The following HERC2 variants were observed in gnomAD, a reference collection of about 807,000 sequenced individuals.
HERC2 encodes E3 ubiquitin-protein ligase HERC2.
A neutral mutation model predicts 537.7 loss-of-function variants in HERC2; 102 were observed. That is an observed-to-expected ratio of 0.19 (90% CI 0.16 to 0.22). The LOEUF (loss-of-function observed/expected upper bound fraction) is 0.22, where lower values mean the gene tolerates loss of function less well. Ranked by LOEUF, HERC2 falls within the 10% of genes least tolerant of loss-of-function variation. The pLI, the probability that HERC2 is intolerant of heterozygous loss-of-function variation, is 1.00. For synonymous variants in HERC2, 2,224 were observed against 2,466.2 expected (o/e 0.90, Z 2.91); for missense variants, 4,236 against 6,198.2 (o/e 0.68, Z 10.63).
chr15:28,154,761 TTATA>T (rs1273286942), intron 69 of HERC2, among the ~76,000 whole-genome samples: 2 of 152,202 alleles, frequency 1.3e-5, no homozygotes, highest in South Asian at 2.1e-4. Flanking sequence ...CAGCATTATT[TTATA>T]TATATATTTT....
At chr15:28,140,405 G>C (rs528374043) in intron 78 of HERC2, among the ~76,000 whole-genome samples, 1 of 152,082 alleles carries the variant, frequency 6.6e-6, no homozygotes, top group African/African-American at 2.4e-5. Context: ...TAGAGACTAC[G>C]GCACTCTATA....
chr15:28,251,285 A>G (rs572889265), intron 20 of HERC2, among the ~76,000 whole-genome samples: 2 of 151,766 alleles, frequency 1.3e-5, no homozygotes, highest in South Asian at 4.2e-4. Flanking sequence ...TCTACTAAAA[A>G]TACAAAAATT....
intron 17 of HERC2, 123 bp downstream of exon 17, chr15:28,256,938 C>G (rs2075281562): frequency 9.3e-6 from 8 of 859,922 alleles, no homozygotes; most frequent in East Asian, 5.1e-5. Context: ...TAGTGCATTA[C>G]AATCTTACTT....
chr15:28,264,388 G>C (rs891856564), intron 14 of HERC2, among the ~76,000 whole-genome samples: 5 of 152,158 alleles, frequency 3.3e-5, no homozygotes, highest in Admixed American at 6.5e-5. Flanking sequence ...CAATGAAAGC[G>C]GCACAGCAGA....
In HERC2 at chr15:28,176,342, C is replaced by T. The variant is rs554856006; in HGVS notation, c.9686+86G>A. ...GTAAAAAGAGGACACGTCACAATCA[C>T]GCCGGGTGAGCCTGGGGCGAGGCCC... is the stretch of plus-strand genomic sequence containing the variant. On this transcript the variant is annotated intron_variant, in intron 63 of 92. Transcript: ENST00000261609. The surrounding 1 kb of genome is among the most constrained non-coding windows in gnomAD (Gnocchi z 5.0). The T allele has an allele frequency of 1.3e-3, 1,708 of 1,268,634 alleles. 27 individuals are homozygous for T. The South Asian group carries it at 0.016, about 12-fold the overall frequency. The allele number at this position is 1,268,634 out of a possible 1,614,324, so 78.6% of individuals were successfully genotyped here. A position where few individuals can be genotyped will look rare whatever the true frequency, so the allele number is the denominator to read the frequency against.
chr15:28,116,603 A>G, intron 88 of HERC2, 62 bp downstream of exon 88: 2 of 1,436,522 alleles, frequency 1.4e-6, no homozygotes, highest in Non-Finnish European at 1.9e-6. Flanking sequence ...CAGATAGTAC[A>G]TTTTAACTCA....
Position 28,135,669 on chromosome 15 carries a change from T to C in HERC2, c.12039A>G (p.Ala4013=), listed in dbSNP as rs1890562779. 1 of 1,613,576 alleles carries C rather than the reference T, an allele frequency of 6.2e-7. No homozygotes were observed. The highest frequency in any genetic ancestry group is 8.5e-7 in the Non-Finnish European group (1 of 1,179,690). Residue 4013 remains alanine (A), a synonymous_variant, in exon 79 of 93, where the codon GCA becomes GCG. Transcript: ENST00000261609. ...DGKLYATGYG[A]GGRLGIGGTE... is the part of the protein sequence containing the mutation. Reference sequence around the variant, plus strand: ...TCCCTCCAATGCCTAGTCTGCCACCTGCACCATACCCAGTGGCATACAGCT... The same window carrying C: ...TCCCTCCAATGCCTAGTCTGCCACCCGCACCATACCCAGTGGCATACAGCT...
chr15:28,283,032 CAAAAAAAA>C (rs35092122), intron 4 of HERC2, among the ~76,000 whole-genome samples: 10 of 47,432 alleles, frequency 2.1e-4, no homozygotes, highest in Admixed American at 1.4e-3. Flanking sequence ...AATGTCCCAG[CAAAAAAAA>C]AAAAAAAAAA....
At chr15:28,216,894 A>G (rs944337167) in intron 38 of HERC2, among the ~76,000 whole-genome samples, 11 of 151,832 alleles carry the variant, frequency 7.2e-5, no homozygotes, top group African/African-American at 2.7e-4. Context: ...CCTCAACACT[A>G]GTAACGACCG....
chr15:28,272,092 C>T, intron 9 of HERC2, 123 bp downstream of exon 9: 1 of 868,606 alleles, frequency 1.2e-6, no homozygotes, highest in South Asian at 1.8e-5. Context: ...TGACTCGCTG[C>T]TATTACCACC....
rs1903672377 is a variant in HERC2 at position 28,245,985 on chromosome 15, A to G, written c.3473T>C (p.Val1158Ala). The part of the protein sequence containing the change: ...NAGLMQEAGA[V>A]PLLGGLLEHL... ...TTCCAACAGGCCACCCAGCAGAGGTACAGCTCCAGCCTCTTGCATGAGACC... is the reference window on the plus strand; with the variant it reads ...TTCCAACAGGCCACCCAGCAGAGGTGCAGCTCCAGCCTCTTGCATGAGACC... Residue 1158 changes from valine to alanine, a missense_variant, in exon 23 of 93, where the codon GTA (valine) becomes GCA (alanine). By Grantham distance (64) the Val-to-Ala change is moderately conservative (BLOSUM62 0). Transcript: ENST00000261609. The G allele has an allele frequency of 1.2e-6, 2 of 1,614,052 alleles. No homozygotes were observed. Among genetic ancestry groups the G allele is most frequent in the Non-Finnish European group, 1.7e-6 (2 of 1,179,900 alleles).
At chr15:28,133,069 T>A (rs999144391) in intron 79 of HERC2, among the ~76,000 whole-genome samples, 1 of 151,616 alleles carries the variant, frequency 6.6e-6, no homozygotes, top group African/African-American at 2.4e-5. Flanking sequence ...ACATACTGGG[T>A]CAAGTTCGAA....
intron 45 of HERC2, chr15:28,203,389 C>G (rs1212934080): frequency 1.3e-4 from 19 of 151,364 alleles, no homozygotes; most frequent in Admixed American, 1.2e-3. Flanking sequence ...TAGGGTTTTG[C>G]AGCGAAGTCT....
At chr15:28,318,727 C>T (rs2345305) in intron 2 of HERC2, among the ~76,000 whole-genome samples, 10,307 of 148,420 alleles carry the variant, frequency 0.069, 399 homozygotes, top group East Asian at 0.28. Flanking sequence ...GGATGTAGGG[C>T]CCTAGGCCTG....
At chr15:28,173,902 T>C (rs35946704) in intron 65 of HERC2, among the ~76,000 whole-genome samples, 1 of 148,474 alleles carries the variant, frequency 6.7e-6, no homozygotes, top group Non-Finnish European at 1.5e-5. Flanking sequence ...AAGGAGGGAG[T>C]TAAAAGCAAA....
At chr15:28,174,815 A>G (rs1437821537) in intron 64 of HERC2, among the ~76,000 whole-genome samples, 195 bp from the exon 65 acceptor site, 8 of 152,180 alleles carry the variant, frequency 5.3e-5, no homozygotes. Flanking sequence ...AAATCTAACC[A>G]TGAAAATGCT....
chr15:28,230,798 G>A (rs1321252832), intron 30 of HERC2, among the ~76,000 whole-genome samples: 4 of 151,838 alleles, frequency 2.6e-5, no homozygotes, highest in African/African-American at 4.8e-5. Flanking sequence ...GCAGTCTGTC[G>A]CAAATACTCA....
chr15:28,154,998 A>G lies in HERC2; in HGVS notation c.10747-2168T>C, dbSNP rs1234328769. ...TTCTCATTGTTCAATTCCCACCTAT[A>G]AGTGAGAACATGCAGTGTTTGGTTT... is the stretch of plus-strand genomic sequence containing the variant. On this transcript the variant is annotated intron_variant, in intron 69 of 92. Coordinates refer to ENST00000261609, the MANE Select transcript of HERC2 (RefSeq NM_004667.6). Among the ~76,000 whole-genome samples, 6 of 142,046 alleles carry G rather than the reference A, an allele frequency of 4.2e-5. No homozygotes were observed. In the Admixed American group the frequency reaches 4.5e-4, roughly 11 times the overall value. The allele number at this position is 142,046 out of a possible 152,430, so 93.2% of individuals were successfully genotyped here.
rs1889008076 is a variant in HERC2, at chr15:28,122,340, G to C, written c.13189-911C>G. Among the ~76,000 whole-genome samples, 1 of 152,232 alleles carries C rather than the reference G, an allele frequency of 6.6e-6. No individual in the cohort carries two copies. Among genetic ancestry groups the C allele is most frequent in the Non-Finnish European group, 1.5e-5 (1 of 68,046 alleles). On this transcript the variant is annotated intron_variant, in intron 85 of 92. Coordinates refer to ENST00000261609, the MANE Select transcript of HERC2 (RefSeq NM_004667.6). The surrounding 1 kb of genome is among the most constrained non-coding windows in gnomAD (Gnocchi z 4.1). The stretch of plus-strand genomic sequence containing the variant: ...CAGGGGTCTCAGCTCTCTTGGCCAA[G>C]GAGGCAATCGTGCCTTCTTTCGGTT...
Sources: gnomAD v4.1 joint callset for allele counts (sites outside exome capture counted in the v4.1 genomes callset) on GRCh38, gnomAD v4.1.1 for gene constraint, Gnocchi (gnomAD v3.1) non-coding constraint, MANE v1.5 for transcripts, NCBI Gene and HGNC (gene_info 2026-07-23, HGNC 2026-07-21) for gene names.